Variants in FARP1 observed in about 807,000 individuals in gnomAD.
The protein encoded by FARP1 is FERM, ARHGEF and pleckstrin domain-containing protein 1.
Under a neutral mutation model 128.8 loss-of-function variants are expected in FARP1, and 52 were observed. The observed-to-expected ratio is 0.40, with a 90% confidence interval of 0.32 to 0.51. FARP1 has a LOEUF of 0.51. Among genes scored for constraint, FARP1 ranks in the 20% least tolerant of loss-of-function variants. FARP1 has a pLI of 0.45. For synonymous variants in FARP1, 580 were observed against 551.8 expected (o/e 1.05, Z -0.72); for missense variants, 1,333 against 1,367.9 (o/e 0.97, Z 0.40).
intron 16 of FARP1, among the ~76,000 whole-genome samples, chr13:98,418,566 G>A (rs754665058): frequency 7.2e-5 from 11 of 152,202 alleles, no homozygotes; most frequent in Non-Finnish European, 1.0e-4. Context: ...GAGCTTCCAC[G>A]CCTGGCTAGA....
chr13:98,437,790 A>T, intron 19 of FARP1: 1 of 1,586,268 alleles, frequency 6.3e-7, no homozygotes, highest in Non-Finnish European at 8.6e-7. Context: ...CCTTATTAGG[A>T]CTCCACACTT....
At chr13:98,184,391 C>G (rs1878723925) in intron 1 of FARP1, among the ~76,000 whole-genome samples, 1 of 152,190 alleles carries the variant, frequency 6.6e-6, no homozygotes, top group African/African-American at 2.4e-5. Flanking sequence ...GGATTACAGG[C>G]ATGAGCCACC....
intron 5 of FARP1, among the ~76,000 whole-genome samples, chr13:98,375,619 T>C (rs1304103865): frequency 6.6e-6 from 1 of 152,060 alleles, no homozygotes; most frequent in Non-Finnish European, 1.5e-5. Context: ...TGTTTTTTGT[T>C]GTTTTTATTG....
intron 5 of FARP1, among the ~76,000 whole-genome samples, chr13:98,372,954 T>C (rs919656170): frequency 2.0e-5 from 3 of 152,348 alleles, no homozygotes; most frequent in South Asian, 2.1e-4. Context: ...CTAAAGGTGT[T>C]GCAGAATCTC....
At chr13:98,319,722 C>G (rs1487016049) in intron 2 of FARP1, among the ~76,000 whole-genome samples, 21 of 152,242 alleles carry the variant, frequency 1.4e-4, no homozygotes, top group Admixed American at 8.5e-4. Flanking sequence ...CTTATTTTGT[C>G]AGGATCAAAT....
chr13:98,244,511 C>T (rs2139461580), intron 2 of FARP1: 4 of 1,614,206 alleles, frequency 2.5e-6, no homozygotes, highest in East Asian at 2.2e-5. Flanking sequence ...CATCCTCCTT[C>T]CTCAAAGCCA....
intron 16 of FARP1, among the ~76,000 whole-genome samples, chr13:98,417,473 AAAAAAAAAAAAG>A (rs1470324988): frequency 1.3e-5 from 2 of 150,322 alleles, no homozygotes; most frequent in African/African-American, 4.9e-5. Flanking sequence ...AAAAAAAAAA[AAAAAAAAAAAAG>A]AACACATGGG....
chr13:98,161,032 G>C (rs1876845898), intron 1 of FARP1, among the ~76,000 whole-genome samples: 2 of 151,846 alleles, frequency 1.3e-5, no homozygotes, highest in Non-Finnish European at 2.9e-5. Flanking sequence ...AGCAGTTTTA[G>C]GTTCTCAGCA....
At position 98,176,476 on chromosome 13, in the gene FARP1, A is replaced by C; in HGVS notation, c.-24+32984A>C. 1.2e-6 allele frequency: 2 copies of C among 1,614,170 alleles called. No homozygotes were observed. Among genetic ancestry groups the C allele is most frequent in the Non-Finnish European group, 1.7e-6 (2 of 1,180,028 alleles). On this transcript the variant is annotated intron_variant, in intron 1 of 26. Coordinates refer to ENST00000319562, the MANE Select transcript of FARP1 (RefSeq NM_005766.4). This position sits in a 1 kb window ranked among gnomAD's most constrained non-coding sequence, Gnocchi z 6.2. ...GGCCTGGCGACATATGAAACACCTG[A>C]ATGGTATTTCCTCTTCCTCGCTTCC...
At chr13:98,143,816 TCCC>T (rs1457860561) in intron 1 of FARP1, among the ~76,000 whole-genome samples, 3 of 151,544 alleles carry the variant, frequency 2.0e-5, no homozygotes, top group Non-Finnish European at 4.4e-5. Flanking sequence ...CCGGCGCCCT[TCCC>T]CCGTTTCCTT....
intron 1 of FARP1, among the ~76,000 whole-genome samples, chr13:98,144,806 T>C (rs1594193552): frequency 1.3e-5 from 2 of 152,334 alleles, no homozygotes; most frequent in South Asian, 4.1e-4. Flanking sequence ...CCGGAGACTT[T>C]AGGAGGGCCC....
chr13:98,153,311 TAA>T (rs757053458), intron 1 of FARP1, among the ~76,000 whole-genome samples: 4 of 76,940 alleles, frequency 5.2e-5, no homozygotes, highest in Admixed American at 3.3e-4. Flanking sequence ...TATTTATATA[TAA>T]AATATATAAA....
intron 1 of FARP1, among the ~76,000 whole-genome samples, chr13:98,148,636 C>G (rs1308191071): frequency 6.6e-6 from 1 of 152,202 alleles, no homozygotes; most frequent in Non-Finnish European, 1.5e-5. Flanking sequence ...GACACATCTT[C>G]TAGAAATTCT....
rs764049827 is a variant in FARP1 at position 98,393,708 on chromosome 13, T to C, written c.1154T>C (p.Val385Ala). 7 of 1,613,612 alleles carry C rather than the reference T, an allele frequency of 4.3e-6. No individual in the cohort carries two copies. The highest frequency in any genetic ancestry group is 5.9e-6 in the Non-Finnish European group (7 of 1,179,522). The change falls in exon 12 of 27, where the codon GTG becomes GCG. Residue 385 changes from valine (V) to alanine (A), a missense_variant. Physicochemically the swap from Val to Ala is moderately conservative, Grantham distance 64 (BLOSUM62 0). This residue lies in a region of FARP1 where 1,009 missense variants were observed against 969.8 expected (regional missense o/e 1.04). Transcript: ENST00000319562. ...CAGCCTACAGAACTGAATTCGGAAG[T>C]GCTGGAGCAGGTCAGTGATGGCGCT... ...ASQPTELNSE[V>A]LEQSQQSTSL...
intron 2 of FARP1, among the ~76,000 whole-genome samples, chr13:98,250,052 T>A (rs932139431): frequency 2.6e-5 from 4 of 152,274 alleles, no homozygotes; most frequent in Admixed American, 2.6e-4. Context: ...GATGATTTTA[T>A]ATGTATGAGA....
intron 3 of FARP1, among the ~76,000 whole-genome samples, chr13:98,349,503 C>G (rs146413383): frequency 6.6e-6 from 1 of 151,850 alleles, no homozygotes; most frequent in African/African-American, 2.4e-5. Flanking sequence ...GAAACCCCAT[C>G]TCTACTAAAA....
In FARP1 at chr13:98,449,283, G is replaced by A. The variant is rs1219849065; in HGVS notation, c.*966G>A. On this transcript the variant is annotated 3_prime_UTR_variant, in exon 27 of 27. Coordinates refer to ENST00000319562, the MANE Select transcript of FARP1 (RefSeq NM_005766.4). ...CCTCCTGCAACTGTGGTTTGAAACT[G>A]CGCATTCTCTAGTAGTATATATCGT... The A allele has an allele frequency of 6.6e-6, 1 of 152,186 alleles. No individual in the cohort carries two copies. Among genetic ancestry groups the A allele is most frequent in the African/African-American group, 2.4e-5 (1 of 41,426 alleles). 9.4% of individuals were successfully genotyped at this position (152,186 alleles called of 1,614,324 possible).
At chr13:98,425,046 G>A (rs1891730262) in intron 17 of FARP1, among the ~76,000 whole-genome samples, 1 of 152,120 alleles carries the variant, frequency 6.6e-6, no homozygotes. Context: ...ATGGCTGTTC[G>A]GCAAACCCTT....
chr13:98,213,442 G>A (rs760188023), intron 2 of FARP1, 29 bp downstream of exon 2: 4 of 1,606,972 alleles, frequency 2.5e-6, no homozygotes. Context: ...TGTAACCCAG[G>A]AGTGTGGTAG....
Sources: gnomAD v4.1 joint callset for allele counts (sites outside exome capture counted in the v4.1 genomes callset) on GRCh38, gnomAD v4.1.1 for gene constraint, gnomAD v4.1.1 regional missense constraint, Gnocchi (gnomAD v3.1) non-coding constraint, MANE v1.5 for transcripts, NCBI Gene and HGNC (gene_info 2026-07-23, HGNC 2026-07-21) for gene names.